ITGA9: variants seen among roughly 807,000 people sequenced by gnomAD.
The protein encoded by ITGA9 is integrin alpha-9.
In ITGA9, 56 loss-of-function variants were observed where a neutral mutation model predicts 127.8. The ratio of observed to expected loss-of-function variants is 0.44; its 90% CI spans 0.35 to 0.55. ITGA9 has a LOEUF of 0.55. Ranked by LOEUF, ITGA9 falls within the 20% of genes least tolerant of loss-of-function variation. The pLI, the probability that ITGA9 is intolerant of heterozygous loss-of-function variation, is 0.00. For missense variants in ITGA9, 1,196 were observed against 1,347.1 expected, an observed-to-expected ratio of 0.89 and a Z score of 1.76; for synonymous variants, 508 against 514.5, an observed-to-expected ratio of 0.99 and a Z score of 0.17.
chr3:37,769,644 C>G (rs1416355444), intron 23 of ITGA9, among the ~76,000 whole-genome samples: 1 of 152,196 alleles, frequency 6.6e-6, no homozygotes, highest in Non-Finnish European at 1.5e-5. Flanking sequence ...ACTCCAGTCT[C>G]AAGTTTGCCC....
intron 18 of ITGA9, among the ~76,000 whole-genome samples, chr3:37,729,700 CTTTTTTTT>C (rs34875348): frequency 2.4e-5 from 2 of 84,122 alleles, no homozygotes; most frequent in Non-Finnish European, 4.6e-5. Flanking sequence ...TTTTTGATTT[CTTTTTTTT>C]TTTTTTTTTT....
At chr3:37,679,791 T>G (rs1009636131) in intron 17 of ITGA9, among the ~76,000 whole-genome samples, 1 of 152,128 alleles carries the variant, frequency 6.6e-6, no homozygotes, top group African/African-American at 2.4e-5. Context: ...CCTGAGAAAT[T>G]ATGTGCCAGG....
intron 10 of ITGA9, among the ~76,000 whole-genome samples, 156 bp from the exon 11 acceptor site, chr3:37,519,104 C>A (rs869182079): frequency 1.3e-5 from 1 of 74,102 alleles, no homozygotes. Context: ...TTTTTTTTTT[C>A]CCGCTGAGGG....
intron 15 of ITGA9, among the ~76,000 whole-genome samples, chr3:37,614,051 C>A (rs562696112): frequency 2.6e-5 from 4 of 152,180 alleles, no homozygotes; most frequent in Non-Finnish European, 4.4e-5. Flanking sequence ...TGCCTATGTC[C>A]TGAATGGTGT....
chr3:37,627,988 C>T (rs1700192500), intron 15 of ITGA9, among the ~76,000 whole-genome samples: 1 of 152,160 alleles, frequency 6.6e-6, no homozygotes, highest in Admixed American at 6.5e-5. Flanking sequence ...AAATTCCTCC[C>T]CGTGTGCCTC....
chr3:37,483,941 A>G (rs1412839311), intron 4 of ITGA9, among the ~76,000 whole-genome samples: 3 of 152,220 alleles, frequency 2.0e-5, no homozygotes, highest in Non-Finnish European at 2.9e-5. Flanking sequence ...CTGGTAATTA[A>G]TGGTAATTTC....
chr3:37,649,832 T>C (rs1700413442), intron 16 of ITGA9, among the ~76,000 whole-genome samples: 1 of 152,216 alleles, frequency 6.6e-6, no homozygotes. Context: ...AAACAAATCT[T>C]AGCAAATTTC....
In ITGA9 at chr3:37,526,880, C is replaced by A. The variant is rs534712199; in HGVS notation, c.1373+809C>A. Among the ~76,000 whole-genome samples, 8 of 152,370 alleles carry A rather than the reference C, an allele frequency of 5.3e-5. No homozygotes were observed. In the South Asian group the frequency reaches 1.4e-3, roughly 28 times the overall value. On this transcript the variant is annotated intron_variant, in intron 13 of 27. Transcript: ENST00000264741. ...CAGCGGTACCTTCTGCTGGTCTCCA[C>A]TGCAGGGCTACACAGCCTCCTGTTT...
chr3:37,740,740 G>A (rs1157124809), intron 20 of ITGA9, among the ~76,000 whole-genome samples: 1 of 152,222 alleles, frequency 6.6e-6, no homozygotes, highest in Non-Finnish European at 1.5e-5. Context: ...CTGGCACATA[G>A]TAGCCACTTA....
intron 26 of ITGA9, among the ~76,000 whole-genome samples, chr3:37,792,440 A>G (rs78641760): frequency 0.068 from 10,404 of 152,274 alleles, 394 homozygotes; most frequent in South Asian, 0.16. Context: ...TGTTTCTACA[A>G]GGAAGCTGAG....
At chr3:37,704,613 C>A (rs1700984030) in intron 18 of ITGA9, among the ~76,000 whole-genome samples, 1 of 152,196 alleles carries the variant, frequency 6.6e-6, no homozygotes, top group Admixed American at 6.5e-5. Flanking sequence ...TCCACCACCA[C>A]CATCCAACTC....
chr3:37,648,972 CAG>C (rs1700404298), intron 16 of ITGA9, among the ~76,000 whole-genome samples: 1 of 150,826 alleles, frequency 6.6e-6, no homozygotes, highest in Admixed American at 6.6e-5. Flanking sequence ...GAGGGAAAAT[CAG>C]AGTTTTTATG....
chr3:37,656,124 C>T (rs965285346), intron 17 of ITGA9, among the ~76,000 whole-genome samples: 3 of 152,108 alleles, frequency 2.0e-5, no homozygotes, highest in Admixed American at 2.0e-4. Flanking sequence ...AGTCAGGTAG[C>T]ATGATGCCTC....
At chr3:37,816,861 A>C (rs1482447788) in intron 27 of ITGA9, among the ~76,000 whole-genome samples, 1 of 152,180 alleles carries the variant, frequency 6.6e-6, no homozygotes, top group Non-Finnish European at 1.5e-5. Context: ...TTGTTCTAAG[A>C]AAGCTTCTGC....
intron 1 of ITGA9, among the ~76,000 whole-genome samples, chr3:37,468,250 C>T (rs529505523): frequency 2.6e-5 from 4 of 152,134 alleles, no homozygotes; most frequent in African/African-American, 9.6e-5. Flanking sequence ...TTGCTTCTCT[C>T]ACTCCCCAGC....
rs1464712823 is a variant in ITGA9, at chr3:37,820,999, T to A, written c.*2010T>A. ...AGTTTTGGCAAAATTATGAGGGTGA[T>A]GGGTGGGTACTAACCTGGCATGGAG... On this transcript the variant is annotated 3_prime_UTR_variant, in exon 28 of 28. Coordinates refer to ENST00000264741, the MANE Select transcript of ITGA9 (RefSeq NM_002207.3). 1.3e-5 allele frequency: 2 copies of A among 152,174 alleles called. No individual in the cohort carries two copies. Among genetic ancestry groups the A allele is most frequent in the Non-Finnish European group, 2.9e-5 (2 of 68,036 alleles). 9.4% of individuals were successfully genotyped at this position (152,174 alleles called of 1,614,324 possible). A position where few individuals can be genotyped will look rare whatever the true frequency, so the allele number is the denominator to read the frequency against.
At chr3:37,635,042 G>A (rs1700264601) in intron 16 of ITGA9, among the ~76,000 whole-genome samples, 1 of 152,164 alleles carries the variant, frequency 6.6e-6, no homozygotes, top group Non-Finnish European at 1.5e-5. Context: ...AATTTCTTAA[G>A]ACAAATGAAA....
At chr3:37,483,678 G>A (rs1446221994) in intron 4 of ITGA9, among the ~76,000 whole-genome samples, 1 of 152,206 alleles carries the variant, frequency 6.6e-6, no homozygotes, top group Admixed American at 6.5e-5. Flanking sequence ...CCTGCCATGT[G>A]TGTGGGCTGG....
intron 26 of ITGA9, among the ~76,000 whole-genome samples, chr3:37,796,434 A>G (rs1388455472): frequency 1.3e-5 from 2 of 152,160 alleles, no homozygotes; most frequent in Admixed American, 6.5e-5. Flanking sequence ...TGTCTAGCAC[A>G]TAGGAGATAC....
Sources: allele counts gnomAD v4.1 joint callset (sites outside exome capture counted in the v4.1 genomes callset), GRCh38; gene constraint gnomAD v4.1.1; transcripts MANE v1.5; gene names NCBI Gene and HGNC (gene_info 2026-07-23, HGNC 2026-07-21).